BCL9: variants seen among roughly 807,000 people sequenced by gnomAD.
BCL9 encodes B-cell CLL/lymphoma 9 protein.
A neutral mutation model predicts 88.5 loss-of-function variants in BCL9; 25 were observed. The ratio of observed to expected loss-of-function variants is 0.28; its 90% CI spans 0.21 to 0.39. The LOEUF is 0.39. BCL9 is among the 10% of genes least tolerant of loss of function. BCL9 has a pLI of 1.00. For missense variants in BCL9, 1,817 were observed against 1,877.8 expected (o/e 0.97, Z 0.60); for synonymous variants, 711 against 673.3 (o/e 1.06, Z -0.87).
chr1:147,606,690 A>G (rs1296373233), intron 2 of BCL9, 94 bp from the exon 3 acceptor site: 8 of 152,276 alleles, frequency 5.3e-5, no homozygotes, highest in African/African-American at 1.9e-4. Context: ...GGAATAAATA[A>G]GAAACCTGTT....
intron 1 of BCL9, among the ~76,000 whole-genome samples, chr1:147,600,923 C>T (rs1252495147): frequency 1.3e-5 from 2 of 152,140 alleles, no homozygotes; most frequent in African/African-American, 2.4e-5. Context: ...GAGCCTGAGT[C>T]ACTGGCCTTT....
chr1:147,599,029 A>G (rs1379606434), intron 1 of BCL9, among the ~76,000 whole-genome samples: 1 of 152,222 alleles, frequency 6.6e-6, no homozygotes, highest in Non-Finnish European at 1.5e-5. Context: ...TGACCCCTTC[A>G]GAGCAGAGGT....
chr1:147,551,415 G>A (rs1654900223), intron 1 of BCL9, among the ~76,000 whole-genome samples: 1 of 152,204 alleles, frequency 6.6e-6, no homozygotes, highest in African/African-American at 2.4e-5. Context: ...GAAGGATAGT[G>A]GCAGGCACAC....
intron 1 of BCL9, among the ~76,000 whole-genome samples, chr1:147,553,813 C>G (rs1654992563): frequency 6.6e-6 from 1 of 152,164 alleles, no homozygotes; most frequent in South Asian, 2.1e-4. Flanking sequence ...AGGATTACTT[C>G]CTTTGCTTGC....
chr1:147,590,670 A>C (rs1422207998), intron 1 of BCL9, among the ~76,000 whole-genome samples: 1 of 152,186 alleles, frequency 6.6e-6, no homozygotes, highest in Admixed American at 6.5e-5. Context: ...TCCTTTATTA[A>C]GTTACTTAAC....
At chr1:147,566,530 G>A (rs1310253725) in intron 1 of BCL9, among the ~76,000 whole-genome samples, 2 of 152,108 alleles carry the variant, frequency 1.3e-5, no homozygotes, top group Non-Finnish European at 2.9e-5. Context: ...GCCGAGGCAG[G>A]CGGATCACGA....
rs185539208 is a variant in BCL9 at position 147,611,510 on chromosome 1, C to T, written c.-259-68C>T. 1.2e-4 allele frequency: 47 copies of T among 377,936 alleles called. No individual in the cohort carries two copies. The East Asian group carries it at 2.0e-3, about 16-fold the overall frequency. The allele number at this position is 377,936 out of a possible 1,614,324, so 23.4% of individuals were successfully genotyped here. A position where few individuals can be genotyped will look rare whatever the true frequency, so the allele number is the denominator to read the frequency against. On this transcript the variant is annotated intron_variant, in intron 3 of 9. Coordinates refer to ENST00000234739, the MANE Select transcript of BCL9 (RefSeq NM_004326.4). The stretch of plus-strand genomic sequence containing the variant: ...AGTTGGCTAGTGCTTTCACCTTGAT[C>T]CTGTTGTGAGGGTGTTTTATGTCTC...
intron 1 of BCL9, among the ~76,000 whole-genome samples, chr1:147,578,405 G>A (rs1473292404): frequency 2.0e-5 from 3 of 152,040 alleles, no homozygotes; most frequent in African/African-American, 4.8e-5. Context: ...GCATCCTCAA[G>A]GGAAAAATAA....
chr1:147,549,230 A>G (rs886150253), intron 1 of BCL9, among the ~76,000 whole-genome samples: 78 of 150,882 alleles, frequency 5.2e-4, no homozygotes, highest in African/African-American at 1.7e-3. Flanking sequence ...ACCCACCTCA[A>G]CCTCCCAAAG....
chr1:147,608,391 A>C (rs1283100771), intron 3 of BCL9, among the ~76,000 whole-genome samples: 5 of 126,868 alleles, frequency 3.9e-5, no homozygotes, highest in Non-Finnish European at 7.8e-5. Flanking sequence ...TGCTGATTGG[A>C]AAGATCCAAC....
intron 1 of BCL9, among the ~76,000 whole-genome samples, chr1:147,598,253 AG>A (rs1341931775): frequency 1.3e-5 from 2 of 152,214 alleles, no homozygotes; most frequent in African/African-American, 4.8e-5. Context: ...ACTTGACAAA[AG>A]GCATTTTAAT....
intron 1 of BCL9, among the ~76,000 whole-genome samples, chr1:147,566,137 G>T (rs587678520): frequency 5.5e-4 from 84 of 152,278 alleles, no homozygotes; most frequent in African/African-American, 1.7e-3. Context: ...CAAGACAGAG[G>T]AGCTGGTTGC....
intron 1 of BCL9, among the ~76,000 whole-genome samples, chr1:147,581,858 G>T (rs1376722903): frequency 6.6e-6 from 1 of 152,048 alleles, no homozygotes; most frequent in Admixed American, 6.5e-5. Context: ...AAGCTTTTCT[G>T]CTTTTCTTCT....
At chr1:147,589,087 C>T (rs587628203) in intron 1 of BCL9, among the ~76,000 whole-genome samples, 116 of 152,260 alleles carry the variant, frequency 7.6e-4, no homozygotes, top group African/African-American at 2.5e-3. Flanking sequence ...TTAGCCCAGG[C>T]AAACCATCAT....
At chr1:147,617,581 A>G (rs1353114992) in intron 7 of BCL9, among the ~76,000 whole-genome samples, 2 of 152,246 alleles carry the variant, frequency 1.3e-5, no homozygotes, top group Non-Finnish European at 2.9e-5. Flanking sequence ...TCAAAATCCA[A>G]CATTTATATA....
intron 1 of BCL9, among the ~76,000 whole-genome samples, chr1:147,558,117 TA>T (rs758217477): frequency 1.8e-4 from 28 of 152,194 alleles, no homozygotes; most frequent in Non-Finnish European, 2.9e-4. Context: ...GTATGTCATT[TA>T]ATTCTCCCAA....
rs1271245631 is a variant in BCL9, at chr1:147,624,983, T to C, written c.*24T>C. The stretch of plus-strand genomic sequence containing the variant: ...AAGCTGCTAAGATGGGATGTGCCGA[T>C]CCTTGTCAAGATGAGATTCCAGGTC... On this transcript the variant is annotated 3_prime_UTR_variant, in exon 10 of 10. Transcript: ENST00000234739. This position sits in a 1 kb window ranked among gnomAD's most constrained non-coding sequence, Gnocchi z 4.4. The C allele has an allele frequency of 1.9e-6, 3 of 1,587,400 alleles. No homozygotes were observed. The highest frequency in any genetic ancestry group is 2.6e-6 in the Non-Finnish European group (3 of 1,161,072).
At chr1:147,560,654 C>A (rs1655334724) in intron 1 of BCL9, among the ~76,000 whole-genome samples, 1 of 151,160 alleles carries the variant, frequency 6.6e-6, no homozygotes, top group South Asian at 2.1e-4. Context: ...CTCCTGTAAT[C>A]CCAGCATTTT....
chr1:147,614,082 T>C (rs1431354133), intron 5 of BCL9, among the ~76,000 whole-genome samples: 3 of 152,146 alleles, frequency 2.0e-5, no homozygotes, highest in Non-Finnish European at 4.4e-5. Flanking sequence ...TATTAGACAG[T>C]TACAGTAAAA....
Sources: gnomAD v4.1 joint callset for allele counts (sites outside exome capture counted in the v4.1 genomes callset) on GRCh38, gnomAD v4.1.1 for gene constraint, Gnocchi (gnomAD v3.1) non-coding constraint, MANE v1.5 for transcripts, NCBI Gene and HGNC (gene_info 2026-07-23, HGNC 2026-07-21) for gene names.